CHODL: variants seen among roughly 807,000 people sequenced by gnomAD.
CHODL encodes the protein transmembrane protein MT75.
Under a neutral mutation model 34.5 loss-of-function variants are expected in CHODL, and 29 were observed. The observed-to-expected ratio is 0.84, with a 90% CI of 0.63 to 1.15. The LOEUF is 1.15. Among genes scored for constraint, CHODL ranks in the 50% most tolerant of loss-of-function variants. CHODL has a pLI of 0.00. For missense variants in CHODL, 332 were observed against 332.5 expected (o/e 1.00, Z 0.01); for synonymous variants, 125 against 116.1 (o/e 1.08, Z -0.49).
intron 2 of CHODL, among the ~76,000 whole-genome samples, chr21:18,150,920 C>T (rs1028743980): frequency 1.3e-5 from 2 of 151,596 alleles, no homozygotes; most frequent in Admixed American, 6.6e-5. Context: ...CCCGTCTCTA[C>T]CAAAAATTCA....
At chr21:18,193,531 T>TA (rs1289369229) in intron 2 of CHODL, among the ~76,000 whole-genome samples, 4 of 151,258 alleles carry the variant, frequency 2.6e-5, no homozygotes, top group Non-Finnish European at 4.4e-5. Flanking sequence ...CAGTCTCTAC[T>TA]AAAAAAATAC....
intron 2 of CHODL, among the ~76,000 whole-genome samples, chr21:18,211,615 C>T (rs2073775630): frequency 6.6e-6 from 1 of 152,166 alleles, no homozygotes; most frequent in South Asian, 2.1e-4. Context: ...AGTTGCCAAC[C>T]ATATTGGCCA....
chr21:18,132,608 T>C (rs1337158423), intron 2 of CHODL, among the ~76,000 whole-genome samples: 1 of 152,194 alleles, frequency 6.6e-6, no homozygotes, highest in African/African-American at 2.4e-5. Context: ...TCATTTTATC[T>C]AGGCCAGAAG....
At chr21:18,008,809 G>T (rs930158619) in intron 1 of CHODL, among the ~76,000 whole-genome samples, 1 of 152,032 alleles carries the variant, frequency 6.6e-6, no homozygotes, top group African/African-American at 2.4e-5. Flanking sequence ...ATGTTACTCC[G>T]TTGGCATATT....
chr21:18,167,034 A>G (rs2073162118), intron 2 of CHODL, among the ~76,000 whole-genome samples: 1 of 152,130 alleles, frequency 6.6e-6, no homozygotes, highest in South Asian at 2.1e-4. Flanking sequence ...TCCTCTGGTA[A>G]AACAACTTGT....
chr21:18,024,099 C>A (rs969683026), intron 1 of CHODL, among the ~76,000 whole-genome samples: 2 of 152,176 alleles, frequency 1.3e-5, no homozygotes, highest in African/African-American at 4.8e-5. Context: ...TAAAACTCCT[C>A]ATTTCTTTTT....
intron 1 of CHODL, among the ~76,000 whole-genome samples, chr21:17,957,759 CTT>C (rs1041187641): frequency 8.6e-5 from 13 of 151,374 alleles, no homozygotes; most frequent in Admixed American, 7.2e-4. Flanking sequence ...AAAATAATCT[CTT>C]AGTGCAAATT....
chr21:17,927,183 T>A (rs916733458), intron 1 of CHODL, among the ~76,000 whole-genome samples: 1 of 148,434 alleles, frequency 6.7e-6, no homozygotes, highest in Admixed American at 6.8e-5. Context: ...TATGTATATA[T>A]ATGTATATGT....
intron 2 of CHODL, among the ~76,000 whole-genome samples, chr21:18,052,883 A>AG (rs57836951): frequency 0.16 from 24,855 of 151,730 alleles, 5,027 homozygotes; most frequent in African/African-American, 0.48. Flanking sequence ...GTTTAAGCGA[A>AG]GGGGTAAATG....
intron 2 of CHODL, among the ~76,000 whole-genome samples, chr21:18,125,634 C>T (rs764451829): frequency 6.6e-6 from 1 of 151,590 alleles, no homozygotes; most frequent in Non-Finnish European, 1.5e-5. Flanking sequence ...CTCCCTCTGT[C>T]ACCCAGGCTG....
intron 1 of CHODL, among the ~76,000 whole-genome samples, chr21:17,981,422 C>T (rs2063713131): frequency 6.6e-6 from 1 of 152,160 alleles, no homozygotes; most frequent in South Asian, 2.1e-4. Context: ...TTCTAAGTGA[C>T]TAACCTCATT....
intron 1 of CHODL, among the ~76,000 whole-genome samples, chr21:18,006,311 G>A (rs986198185): frequency 4.0e-5 from 6 of 150,522 alleles, no homozygotes; most frequent in Admixed American, 1.3e-4. Flanking sequence ...CATTGCACAC[G>A]TACCTATGTA....
intron 2 of CHODL, among the ~76,000 whole-genome samples, chr21:18,047,690 C>T (rs962047633): frequency 1.4e-4 from 21 of 151,866 alleles, no homozygotes; most frequent in Non-Finnish European, 2.5e-4. Flanking sequence ...ATCTCATTTT[C>T]ATTGGATTCA....
chr21:18,110,814 T>G (rs940004107), intron 2 of CHODL, among the ~76,000 whole-genome samples: 2 of 152,172 alleles, frequency 1.3e-5, no homozygotes, highest in African/African-American at 4.8e-5. Context: ...TGCTCAAGAT[T>G]CTCCCTGTCC....
intron 1 of CHODL, among the ~76,000 whole-genome samples, chr21:17,957,797 CAA>C (rs2063503690): frequency 6.6e-6 from 1 of 151,236 alleles, no homozygotes; most frequent in East Asian, 1.9e-4. Flanking sequence ...TCAAATAAAA[CAA>C]GAGGTATCGG....
chr21:18,038,332 A>C (rs912873482), intron 2 of CHODL, among the ~76,000 whole-genome samples: 1 of 151,734 alleles, frequency 6.6e-6, no homozygotes, highest in African/African-American at 2.4e-5. Flanking sequence ...AAAAGTAGAC[A>C]ATAAATTAAC....
intron 1 of CHODL, among the ~76,000 whole-genome samples, chr21:17,931,672 T>C (rs2063274563): frequency 6.6e-6 from 1 of 152,034 alleles, no homozygotes; most frequent in Non-Finnish European, 1.5e-5. Context: ...ATGTAGCATA[T>C]GAAAGAAGAA....
chr21:18,146,124 C>T lies in CHODL; in HGVS notation c.-44-110385C>T, dbSNP rs1243859070. ...GCTGAGACTACATTGCCCGCCACCA[C>T]GCCCGGTTAATTTTTTTTTTTTTTT... On this transcript the variant is annotated intron_variant, in intron 2 of 6. Coordinates refer to the CHODL transcript ENST00000400127. Among the ~76,000 whole-genome samples, 3 of 149,146 alleles carry T rather than the reference C, an allele frequency of 2.0e-5. No individual in the cohort carries two copies. The East Asian group carries it at 5.8e-4, about 29-fold the overall frequency.
intron 2 of CHODL, among the ~76,000 whole-genome samples, chr21:18,078,275 G>C (rs568926593): frequency 6.6e-6 from 1 of 152,102 alleles, no homozygotes; most frequent in African/African-American, 2.4e-5. Flanking sequence ...AGAAGGAAAG[G>C]CACCTCCTAT....
Sources: allele counts gnomAD v4.1 joint callset (sites outside exome capture counted in the v4.1 genomes callset), GRCh38; gene constraint gnomAD v4.1.1; transcripts MANE v1.5; gene names NCBI Gene and HGNC (gene_info 2026-07-23, HGNC 2026-07-21).